The following FHIP2A variants were observed in gnomAD, a reference collection of about 807,000 sequenced individuals.
FHIP2A encodes FHF complex subunit HOOK interacting protein 2A.
A neutral mutation model predicts 93.5 loss-of-function variants in FHIP2A; 46 were observed. The observed-to-expected ratio is 0.49, with a 90% CI of 0.39 to 0.63. The LOEUF is 0.63. Ranked by LOEUF, FHIP2A falls within the 20% of genes least tolerant of loss-of-function variation. The probability of loss-of-function intolerance (pLI) is 0.00; values close to 1 mark genes in which losing one functional copy is unlikely to be tolerated. For synonymous variants in FHIP2A, 332 were observed against 326.5 expected, an observed-to-expected ratio of 1.02 and a Z score of -0.18; for missense variants, 769 against 909.7, an observed-to-expected ratio of 0.85 and a Z score of 1.99.
chr10:114,843,173 C>T lies in FHIP2A; in HGVS notation c.763C>T (p.Pro255Ser), dbSNP rs751358660. ...TSLPEASVVC[P>S]NQDYNLVNSL... Reference sequence around the variant, plus strand: ...ACTGCCAGAGGCCTCGGTTGTTTGTCCAAATCAGGATTACAATTTAGTGAA... The same window carrying T: ...ACTGCCAGAGGCCTCGGTTGTTTGTTCAAATCAGGATTACAATTTAGTGAA... Residue 255 changes from proline (P) to serine (S), a missense_variant, in exon 6 of 17, where the codon CCA becomes TCA. By Grantham distance (74) the Pro-to-Ser change is moderately conservative. Transcript: ENST00000369248. The T allele has an allele frequency of 2.0e-5, 32 of 1,613,730 alleles. No homozygotes were observed. The African/African-American group carries it at 2.8e-4, about 14-fold the overall frequency.
At chr10:114,873,799 T>C (rs1443604356) in intron 16 of FHIP2A, among the ~76,000 whole-genome samples, 2 of 152,204 alleles carry the variant, frequency 1.3e-5, no homozygotes, top group African/African-American at 4.8e-5. Flanking sequence ...TTTGTTTCTT[T>C]TTGTTTTTTA....
intron 1 of FHIP2A, among the ~76,000 whole-genome samples, chr10:114,829,461 C>G (rs2083595701): frequency 6.6e-6 from 1 of 152,208 alleles, no homozygotes; most frequent in Non-Finnish European, 1.5e-5. Flanking sequence ...GGGAGTGGCT[C>G]TTAGCATGCT....
chr10:114,838,443 A>C (rs1592016550), intron 5 of FHIP2A, among the ~76,000 whole-genome samples: 1 of 152,166 alleles, frequency 6.6e-6, no homozygotes, highest in Admixed American at 6.5e-5. Flanking sequence ...AATTTGCTTC[A>C]AAAGGGCTGG....
At chr10:114,899,532 CTT>C (rs1445232751) in exon 17 of FHIP2A, 1 of 718,376 alleles carries the variant, frequency 1.4e-6, no homozygotes, top group Non-Finnish European at 2.6e-6. Flanking sequence ...TCCAGAGTCT[CTT>C]ATGTCCTCAA....
chr10:114,877,189 G>C (rs985144414), intron 16 of FHIP2A, among the ~76,000 whole-genome samples: 1 of 152,144 alleles, frequency 6.6e-6, no homozygotes, highest in Non-Finnish European at 1.5e-5. Context: ...CAATCAATGG[G>C]AAGCAAAGGT....
At chr10:114,857,037 G>A (rs939683672) in intron 14 of FHIP2A, among the ~76,000 whole-genome samples, 4 of 152,116 alleles carry the variant, frequency 2.6e-5, no homozygotes, top group East Asian at 1.9e-4. Context: ...GCTGTAGGGC[G>A]CTATGATTGT....
chr10:114,824,627 C>T (rs11196932), intron 1 of FHIP2A, among the ~76,000 whole-genome samples: 61,985 of 151,894 alleles, frequency 0.41, 13,223 homozygotes, highest in Non-Finnish European at 0.48. Context: ...TGGGAATGAA[C>T]TCATGTGCAA....
In FHIP2A at chr10:114,864,170, T is replaced by C; in HGVS notation, c.*2630T>C. On this transcript the variant is annotated 3_prime_UTR_variant, in exon 17 of 17. Coordinates refer to ENST00000369248, the MANE Select transcript of FHIP2A (RefSeq NM_020940.4). ...CTTAGCTCGCTTACACTGTTGCTAG[T>C]GTAAACATTGTTACACTTAATTTTA... 1 of 983,858 alleles carries C rather than the reference T, an allele frequency of 1.0e-6. No individual in the cohort carries two copies. The highest frequency in any genetic ancestry group is 4.7e-5 in the South Asian group (1 of 21,236). 60.9% of individuals were successfully genotyped at this position (983,858 alleles called of 1,614,324 possible). A position where few individuals can be genotyped will look rare whatever the true frequency, so the allele number is the denominator to read the frequency against.
At chr10:114,859,391 A>C (rs544414281) in intron 14 of FHIP2A, among the ~76,000 whole-genome samples, 1 of 152,214 alleles carries the variant, frequency 6.6e-6, no homozygotes, top group Non-Finnish European at 1.5e-5. Flanking sequence ...CCTCATTGCT[A>C]TTCACTGTGA....
chr10:114,830,515 A>G (rs891956678), intron 1 of FHIP2A, among the ~76,000 whole-genome samples: 2 of 151,580 alleles, frequency 1.3e-5, no homozygotes, highest in African/African-American at 4.8e-5. Context: ...CAAGTGATTC[A>G]CCTACCTCAG....
At position 114,862,907 on chromosome 10, in the gene FHIP2A, G is replaced by A; in HGVS notation, c.*1367G>A. The A allele has an allele frequency of 1.0e-6, 1 of 985,418 alleles. No individual in the cohort carries two copies. Among genetic ancestry groups the A allele is most frequent in the Non-Finnish European group, 1.2e-6 (1 of 829,922 alleles). The allele number at this position is 985,418 out of a possible 1,614,324, so 61.0% of individuals were successfully genotyped here. A position where few individuals can be genotyped will look rare whatever the true frequency, so the allele number is the denominator to read the frequency against. Reference sequence around the variant, plus strand: ...TACCCCCTCTAGGAAGTTATTTTATGTAGCATGTTTGCATATACGCATTGT... The same window carrying A: ...TACCCCCTCTAGGAAGTTATTTTATATAGCATGTTTGCATATACGCATTGT... On this transcript the variant is annotated 3_prime_UTR_variant, in exon 17 of 17. Transcript: ENST00000369248.
chr10:114,893,187 T>C (rs1404923498), intron 16 of FHIP2A, among the ~76,000 whole-genome samples: 2 of 152,220 alleles, frequency 1.3e-5, no homozygotes, highest in Non-Finnish European at 2.9e-5. Flanking sequence ...GCATTATTTA[T>C]AATAGGGGAA....
Position 114,822,714 on chromosome 10 carries a change from C to T in FHIP2A, c.45+591C>T, listed in dbSNP as rs370499375. ...TGCTTTCTTGGGCCTGGAGGCCGAA[C>T]TCAGCTGAACCTTATGTATTGATCT... On this transcript the variant is annotated intron_variant, in intron 1 of 16. Coordinates refer to ENST00000369248, the MANE Select transcript of FHIP2A (RefSeq NM_020940.4). Among the ~76,000 whole-genome samples, 16 of 152,334 alleles carry T rather than the reference C, an allele frequency of 1.1e-4. 1 individual carries two copies. The South Asian group carries it at 3.3e-3, about 32-fold the overall frequency.
intron 3 of FHIP2A, 93 bp from the exon 4 acceptor site, chr10:114,835,444 T>C (rs1057204370): frequency 2.9e-6 from 2 of 698,240 alleles, no homozygotes; most frequent in South Asian, 1.9e-5. Flanking sequence ...AATACATTCA[T>C]ATACATTGTC....
At chr10:114,852,360 C>CT (rs2083742268) in intron 13 of FHIP2A, among the ~76,000 whole-genome samples, 1 of 152,204 alleles carries the variant, frequency 6.6e-6, no homozygotes, top group Non-Finnish European at 1.5e-5. Context: ...AGACCTCAGA[C>CT]TTTATCTTTC....
At chr10:114,877,228 T>G (rs1178960802) in intron 16 of FHIP2A, among the ~76,000 whole-genome samples, 1 of 152,006 alleles carries the variant, frequency 6.6e-6, no homozygotes, top group Non-Finnish European at 1.5e-5. Flanking sequence ...AGTTCCCGAG[T>G]GCTGTCACTG....
chr10:114,888,508 CAA>C (rs1422594739), intron 16 of FHIP2A, among the ~76,000 whole-genome samples: 5 of 152,194 alleles, frequency 3.3e-5, no homozygotes, highest in African/African-American at 1.2e-4. Flanking sequence ...CCAAGAACTG[CAA>C]AGTGTCCGTA....
In FHIP2A at chr10:114,835,606, C is replaced by T. The variant is rs777699836; in HGVS notation, c.364C>T (p.Leu122=). 9.3e-6 allele frequency: 15 copies of T among 1,612,992 alleles called. No individual in the cohort carries two copies. The South Asian group carries it at 1.3e-4, about 14-fold the overall frequency. ...TKLLGRIRQP[L]LPHINVHRPV... ...ACTTCTGGGAAGAATCCGGCAGCCA[C>T]TACTTCCACACATTAACGTGCACAG... is the stretch of plus-strand genomic sequence containing the variant. Residue 122 remains leucine, a synonymous_variant, in exon 4 of 17, where the codon CTA becomes TTA. Coordinates refer to ENST00000369248, the MANE Select transcript of FHIP2A (RefSeq NM_020940.4).
Position 114,842,830 on chromosome 10 carries a change from T to C in FHIP2A, c.523-103T>C, listed in dbSNP as rs865810689. ...CATGTGACATAACATCTATTGCTAC[T>C]TTGGCTAGGCATGTGGAATGTTATA... On this transcript the variant is annotated intron_variant, in intron 5 of 16. Transcript: ENST00000369248. The C allele has an allele frequency of 2.9e-4, 206 of 704,300 alleles. 2 individuals carry two copies. Among genetic ancestry groups the C allele is most frequent in the South Asian group, 2.4e-3 (119 of 49,644 alleles). 43.6% of individuals were successfully genotyped at this position (704,300 alleles called of 1,614,324 possible). A position where few individuals can be genotyped will look rare whatever the true frequency, so the allele number is the denominator to read the frequency against.
Sources: gnomAD v4.1 joint callset for allele counts (sites outside exome capture counted in the v4.1 genomes callset) on GRCh38, gnomAD v4.1.1 for gene constraint, MANE v1.5 for transcripts, NCBI Gene and HGNC (gene_info 2026-07-23, HGNC 2026-07-21) for gene names.